TMC1: variants seen among roughly 807,000 people sequenced by gnomAD.
TMC1 encodes transmembrane channel-like protein 1.
TMC1 carries 84 observed loss-of-function variants against 105.8 expected under a neutral mutation model. The ratio of observed to expected loss-of-function variants is 0.79; its 90% CI spans 0.67 to 0.95. TMC1 has a LOEUF of 0.95. TMC1 is among the 40% of genes least tolerant of loss of function. The probability of loss-of-function intolerance (pLI) is 0.00; values close to 1 mark genes in which losing one functional copy is unlikely to be tolerated. For synonymous variants in TMC1, 315 were observed against 311.5 expected (o/e 1.01, Z -0.12); for missense variants, 817 against 914.1 (o/e 0.89, Z 1.37).
At chr9:72,603,015 G>A (rs1824843495) in intron 2 of TMC1, among the ~76,000 whole-genome samples, 2 of 152,138 alleles carry the variant, frequency 1.3e-5, no homozygotes, top group African/African-American at 4.8e-5. Flanking sequence ...CCATTTACCA[G>A]TATTGTGTAT....
chr9:72,694,959 C>T (rs148053810), intron 7 of TMC1, among the ~76,000 whole-genome samples: 4 of 152,180 alleles, frequency 2.6e-5, no homozygotes, highest in Admixed American at 6.5e-5. Flanking sequence ...TATCATAGGT[C>T]GTTGACATAT....
intron 1 of TMC1, among the ~76,000 whole-genome samples, chr9:72,524,570 T>C (rs912552164): frequency 6.6e-6 from 1 of 152,226 alleles, no homozygotes; most frequent in Non-Finnish European, 1.5e-5. Context: ...AGTTGTTAAC[T>C]CTAATACATG....
intron 12 of TMC1, among the ~76,000 whole-genome samples, chr9:72,764,661 A>G (rs1827803612): frequency 6.6e-6 from 1 of 152,188 alleles, no homozygotes; most frequent in Non-Finnish European, 1.5e-5. Flanking sequence ...GGTAGCAGAG[A>G]GCAGAAGAAT....
chr9:72,646,961 G>A (rs1825723021), intron 4 of TMC1, among the ~76,000 whole-genome samples: 1 of 151,114 alleles, frequency 6.6e-6, no homozygotes, highest in Admixed American at 6.6e-5. Context: ...GGCCAACATG[G>A]TGAAACTCCA....
At chr9:72,618,121 G>A (rs193208625) in intron 3 of TMC1, among the ~76,000 whole-genome samples, 40 of 142,734 alleles carry the variant, frequency 2.8e-4, no homozygotes, top group Admixed American at 2.1e-3. Flanking sequence ...CTCTGCCTCC[G>A]GGGTTCAAGT....
Position 72,789,116 on chromosome 9 carries a change from G to A in TMC1, c.1030-7G>A. The A allele has an allele frequency of 1.9e-6, 3 of 1,611,960 alleles. No individual in the cohort carries two copies. The highest frequency in any genetic ancestry group is 2.5e-6 in the Non-Finnish European group (3 of 1,179,692). ...TTTTGTTTGTTTGTTTGTTTTCATGGATACAGGAAGCTATCACAGAAGAAA... is the reference window on the plus strand; with the variant it reads ...TTTTGTTTGTTTGTTTGTTTTCATGAATACAGGAAGCTATCACAGAAGAAA... On this transcript the variant is annotated splice_polypyrimidine_tract_variant and splice_region_variant and intron_variant, in intron 14 of 23. Transcript: ENST00000297784.
chr9:72,817,944 T>G (rs1828812698), intron 19 of TMC1, among the ~76,000 whole-genome samples: 1 of 152,150 alleles, frequency 6.6e-6, no homozygotes, highest in South Asian at 2.1e-4. Context: ...TCACACACTT[T>G]CCAAAGTTCC....
At chr9:72,640,780 C>T (rs533237987) in intron 4 of TMC1, among the ~76,000 whole-genome samples, 74 of 151,972 alleles carry the variant, frequency 4.9e-4, no homozygotes, top group African/African-American at 1.6e-3. Context: ...TACAGGCGCC[C>T]GCCACTACGC....
intron 5 of TMC1, 111 bp downstream of exon 5, chr9:72,648,775 G>A: frequency 9.4e-6 from 9 of 955,492 alleles, no homozygotes; most frequent in South Asian, 5.4e-5. Flanking sequence ...CTCTTTTGGG[G>A]CTTTCCCTTT....
At chr9:72,657,096 A>C (rs1825895862) in intron 5 of TMC1, among the ~76,000 whole-genome samples, 1 of 152,204 alleles carries the variant, frequency 6.6e-6, no homozygotes, top group African/African-American at 2.4e-5. Flanking sequence ...GAAAGGATTC[A>C]AAGATCTCCA....
chr9:72,826,125 C>T (rs898223799), intron 20 of TMC1, among the ~76,000 whole-genome samples: 2 of 152,146 alleles, frequency 1.3e-5, no homozygotes, highest in African/African-American at 2.4e-5. Context: ...TACATCTTTT[C>T]GTAGTACAAT....
chr9:72,688,344 A>G (rs1172145934), intron 5 of TMC1, among the ~76,000 whole-genome samples: 1 of 152,138 alleles, frequency 6.6e-6, no homozygotes, highest in Non-Finnish European at 1.5e-5. Flanking sequence ...TAGCTTTATT[A>G]ACAATTCAAT....
intron 10 of TMC1, among the ~76,000 whole-genome samples, chr9:72,746,876 T>C (rs746883872): frequency 2.6e-5 from 4 of 152,196 alleles, no homozygotes; most frequent in Non-Finnish European, 2.9e-5. Context: ...AAGGGGATCA[T>C]GCCTAAAACT....
Position 72,618,769 on chromosome 9 carries a change from T to A in TMC1, c.-196+2292T>A, listed in dbSNP as rs192758438. 3.2e-3 allele frequency among the ~76,000 whole-genome samples: 480 copies of A among 152,286 alleles called. 12 individuals are homozygous for A. Among genetic ancestry groups the A allele is most frequent in the Admixed American group, 0.03 (458 of 15,286 alleles). On this transcript the variant is annotated intron_variant, in intron 3 of 23. Transcript: ENST00000297784. ...TTAGGATAATGTATAAACATGATTA[T>A]GTTAATGCCATTAGGGACCAAGATT...
At chr9:72,554,313 G>A (rs766557411) in intron 1 of TMC1, among the ~76,000 whole-genome samples, 19 of 152,078 alleles carry the variant, frequency 1.2e-4, no homozygotes, top group African/African-American at 3.6e-4. Context: ...TAGATCCAGC[G>A]TTGTTCCAGC....
chr9:72,667,288 C>T (rs1267057787), intron 5 of TMC1, among the ~76,000 whole-genome samples: 3 of 152,074 alleles, frequency 2.0e-5, no homozygotes, highest in Non-Finnish European at 2.9e-5. Flanking sequence ...TTTTCTACCC[C>T]GTGTCTCTTC....
chr9:72,816,128 T>C lies in TMC1; in HGVS notation c.1696-15T>C. ...ATGTGAGACGCTAATCCAATGAACA[T>C]TGTGTCTCCTCTAGCCTTCATACAC... On this transcript the variant is annotated splice_polypyrimidine_tract_variant and intron_variant, in intron 18 of 23. Transcript: ENST00000297784. The C allele has an allele frequency of 3.1e-6, 5 of 1,612,554 alleles. No homozygotes were observed. Among genetic ancestry groups the C allele is most frequent in the Non-Finnish European group, 3.4e-6 (4 of 1,178,642 alleles).
intron 13 of TMC1, among the ~76,000 whole-genome samples, chr9:72,782,382 A>T (rs558269689): frequency 1.6e-4 from 25 of 152,304 alleles, no homozygotes; most frequent in Admixed American, 7.8e-4. Flanking sequence ...TGGAAGCATT[A>T]TCCTTGAGAA....
At chr9:72,630,099 C>A (rs184697838) in intron 4 of TMC1, among the ~76,000 whole-genome samples, 9 of 152,236 alleles carry the variant, frequency 5.9e-5, no homozygotes, top group Admixed American at 5.9e-4. Flanking sequence ...CTCCTGACCT[C>A]AGATGATCCA....
Sources: gnomAD v4.1 joint callset for allele counts (sites outside exome capture counted in the v4.1 genomes callset) on GRCh38, gnomAD v4.1.1 for gene constraint, MANE v1.5 for transcripts, NCBI Gene and HGNC (gene_info 2026-07-23, HGNC 2026-07-21) for gene names.